The following MROH9 variants were observed in gnomAD, a reference collection of about 807,000 sequenced individuals.
The protein encoded by MROH9 is maestro heat like repeat family member 9.
In MROH9, 92 loss-of-function variants were observed where a neutral mutation model predicts 98.2. That is an observed-to-expected ratio of 0.94 (90% CI 0.79 to 1.11). The LOEUF (loss-of-function observed/expected upper bound fraction) is 1.11. Among genes scored for constraint, MROH9 ranks in the 50% most tolerant of loss-of-function variants. The probability of loss-of-function intolerance (pLI) is 0.00; values close to 1 mark genes in which losing one functional copy is unlikely to be tolerated. For synonymous variants in MROH9, 397 were observed against 368.9 expected (o/e 1.08, Z -0.87); for missense variants, 1,057 against 1,014.8 (o/e 1.04, Z -0.57).
chr1:170,954,552 T>C (rs975672903), intron 3 of MROH9, among the ~76,000 whole-genome samples: 1 of 152,098 alleles, frequency 6.6e-6, no homozygotes, highest in African/African-American at 2.4e-5. Context: ...AGTTCCATTT[T>C]TAATTTTTTA....
chr1:171,029,854 A>G (rs1652848616), intron 20 of MROH9, among the ~76,000 whole-genome samples: 4 of 152,158 alleles, frequency 2.6e-5, no homozygotes, highest in Admixed American at 2.6e-4. Flanking sequence ...TGTTTGGAAT[A>G]CTTTCAGAAG....
intron 3 of MROH9, among the ~76,000 whole-genome samples, chr1:170,950,906 T>G (rs1649527045): frequency 6.6e-6 from 1 of 152,094 alleles, no homozygotes; most frequent in Non-Finnish European, 1.5e-5. Flanking sequence ...TTTGTCTTAA[T>G]TTTTATTCTT....
rs999157277 is a variant in MROH9 at position 171,061,992 on chromosome 1, T to C, written c.2282-140T>C. 2.8e-5 allele frequency: 17 copies of C among 613,550 alleles called. 1 individual carries two copies. In the Admixed American group the frequency reaches 3.0e-4, roughly 11 times the overall value. The allele number at this position is 613,550 out of a possible 1,614,324, so 38.0% of individuals were successfully genotyped here. A position where few individuals can be genotyped will look rare whatever the true frequency, so the allele number is the denominator to read the frequency against. On this transcript the variant is annotated intron_variant, in intron 20 of 21. Transcript: ENST00000367759. ...AATAAACAATTTTATGAGACAATAA[T>C]TAAAAGTACTAAAAGATGACTCAAG...
rs749694496 is a variant in MROH9, at chr1:171,024,299, A to ACAG, written c.1909-96_1909-95insCAG. The stretch of plus-strand genomic sequence containing the variant: ...ACATATACATATATAGTATATTTAT[A>ACAG]TGGGGTGTGTGTGTGTGTGTGTGTG... On this transcript the variant is annotated intron_variant, in intron 17 of 21. Coordinates refer to ENST00000367759, the MANE Select transcript of MROH9 (RefSeq NM_001163629.2). 2.1e-4 allele frequency: 147 copies of ACAG among 716,300 alleles called. No individual in the cohort carries two copies. In the African/African-American group the frequency reaches 4.0e-3, roughly 20 times the overall value. The allele number at this position is 716,300 out of a possible 1,614,324, so 44.4% of individuals were successfully genotyped here.
intron 8 of MROH9, among the ~76,000 whole-genome samples, chr1:170,983,070 A>C (rs1650996799): frequency 6.6e-6 from 1 of 152,136 alleles, no homozygotes; most frequent in South Asian, 2.1e-4. Flanking sequence ...TCCTCAGCTC[A>C]TTTCAGTTGC....
In MROH9 at chr1:170,955,201, GTTTC is replaced by G. The variant is rs574849355; in HGVS notation, c.73-3256_73-3253del. ...TATGTATATATATATACATACCACA[GTTTC>G]TTTATCCACTTGTTGATGGGCATTT... On this transcript the variant is annotated intron_variant, in intron 3 of 21. Coordinates refer to ENST00000367759, the MANE Select transcript of MROH9 (RefSeq NM_001163629.2). 4.6e-3 allele frequency among the ~76,000 whole-genome samples: 706 copies of G among 151,946 alleles called. 4 individuals carry two copies. The highest frequency in any genetic ancestry group is 0.027 in the Middle Eastern group (8 of 294).
chr1:171,017,431 C>A (rs28509187), intron 17 of MROH9, among the ~76,000 whole-genome samples: 9,958 of 152,124 alleles, frequency 0.065, 1,005 homozygotes, highest in African/African-American at 0.22. Flanking sequence ...CACGAAAATC[C>A]CACTTGTGAG....
intron 8 of MROH9, among the ~76,000 whole-genome samples, chr1:170,975,609 T>C (rs1650655312): frequency 6.6e-6 from 1 of 152,214 alleles, no homozygotes; most frequent in African/African-American, 2.4e-5. Flanking sequence ...TATGCCCATG[T>C]GTACACATTA....
At chr1:171,034,237 T>C (rs1653023759) in intron 20 of MROH9, among the ~76,000 whole-genome samples, 1 of 152,194 alleles carries the variant, frequency 6.6e-6, no homozygotes, top group Non-Finnish European at 1.5e-5. Context: ...TATCCAGCTA[T>C]ACAGATAACA....
rs536538032 is a variant in MROH9, at chr1:170,973,116, T to TAC, written c.616+1248_616+1249dup. 4.3e-3 allele frequency among the ~76,000 whole-genome samples: 625 copies of TAC among 145,700 alleles called. 2 individuals carry two copies. Among genetic ancestry groups the TAC allele is most frequent in the Middle Eastern group, 0.026 (6 of 232 alleles). Reference sequence around the variant, plus strand: ...GAGTACATGAGTGCATGCACACGCATACACACACACACACACGCACGCACA... The same window carrying TAC: ...GAGTACATGAGTGCATGCACACGCATACACACACACACACACACGCACGCACA... On this transcript the variant is annotated intron_variant, in intron 8 of 21. Transcript: ENST00000367759.
intron 8 of MROH9, among the ~76,000 whole-genome samples, chr1:170,976,884 C>T (rs1302045936): frequency 1.3e-5 from 2 of 152,062 alleles, no homozygotes; most frequent in Non-Finnish European, 2.9e-5. Context: ...ATAGAATTGG[C>T]CTCTTTATAT....
At chr1:171,029,160 G>A (rs1652824424) in intron 20 of MROH9, among the ~76,000 whole-genome samples, 1 of 151,932 alleles carries the variant, frequency 6.6e-6, no homozygotes, top group Non-Finnish European at 1.5e-5. Flanking sequence ...CTGTGGGTTT[G>A]TCTTAAATAG....
At chr1:170,944,318 A>G (rs996964630) in intron 1 of MROH9, among the ~76,000 whole-genome samples, 2 of 152,010 alleles carry the variant, frequency 1.3e-5, no homozygotes, top group Non-Finnish European at 2.9e-5. Flanking sequence ...AGAAACACAC[A>G]AAACACCACA....
intron 10 of MROH9, among the ~76,000 whole-genome samples, chr1:170,989,307 T>G (rs1195373046): frequency 6.6e-6 from 1 of 152,172 alleles, no homozygotes; most frequent in Non-Finnish European, 1.5e-5. Flanking sequence ...GTTAGAACTC[T>G]CCTTGTTCAA....
intron 20 of MROH9, among the ~76,000 whole-genome samples, chr1:171,039,241 C>T (rs1317377961): frequency 6.6e-6 from 1 of 152,148 alleles, no homozygotes; most frequent in African/African-American, 2.4e-5. Flanking sequence ...ATAATGTTTC[C>T]ACCTATTTTG....
At chr1:170,964,074 C>A (rs138127073) in intron 6 of MROH9, among the ~76,000 whole-genome samples, 408 of 152,126 alleles carry the variant, frequency 2.7e-3, no homozygotes, top group African/African-American at 9.4e-3. Context: ...TTGAGTTAAG[C>A]ATTGACTCCA....
At chr1:171,043,570 G>A (rs184976931) in intron 20 of MROH9, among the ~76,000 whole-genome samples, 1 of 151,904 alleles carries the variant, frequency 6.6e-6, no homozygotes, top group Non-Finnish European at 1.5e-5. Flanking sequence ...ATTGCTTTGT[G>A]TAGTATGGAC....
chr1:170,990,977 A>G (rs1485750097), intron 11 of MROH9, among the ~76,000 whole-genome samples: 1 of 152,184 alleles, frequency 6.6e-6, no homozygotes, highest in Non-Finnish European at 1.5e-5. Context: ...TATTCATAAA[A>G]TTCCTAGAAA....
At chr1:171,057,963 A>G (rs1350625650) in intron 20 of MROH9, among the ~76,000 whole-genome samples, 1 of 149,228 alleles carries the variant, frequency 6.7e-6, no homozygotes. Context: ...AGCACTAAAT[A>G]TGGGGGGAAA....
Sources: gnomAD v4.1 joint callset for allele counts (sites outside exome capture counted in the v4.1 genomes callset) on GRCh38, gnomAD v4.1.1 for gene constraint, MANE v1.5 for transcripts, NCBI Gene and HGNC (gene_info 2026-07-23, HGNC 2026-07-21) for gene names.